The following KCNAB1 variants were observed in gnomAD, a reference collection of about 807,000 sequenced individuals.
KCNAB1 encodes the protein potassium voltage-gated channel subfamily A regulatory beta subunit 1.
KCNAB1 carries 35 observed loss-of-function variants against 64.6 expected under a neutral mutation model. The observed-to-expected ratio is 0.54, with a 90% CI of 0.41 to 0.72. The LOEUF is 0.72. Ranked by LOEUF, KCNAB1 falls within the 30% of genes least tolerant of loss-of-function variation. The probability of loss-of-function intolerance (pLI) is 0.00; values close to 1 mark genes in which losing one functional copy is unlikely to be tolerated. For missense variants in KCNAB1, 401 were observed against 512.9 expected (o/e 0.78, Z 2.11); for synonymous variants, 177 against 183.8 (o/e 0.96, Z 0.30).
rs931132282 is a variant in KCNAB1, at chr3:156,134,729, G to A, written c.275+13843G>A. On this transcript the variant is annotated intron_variant, in intron 1 of 13. Transcript: ENST00000490337. ...CATATAGAACACAATATTTCAAAATGTTGATGGGATGCTTGTAGTCTACAT... is the reference window on the plus strand; with the variant it reads ...CATATAGAACACAATATTTCAAAATATTGATGGGATGCTTGTAGTCTACAT... Among the ~76,000 whole-genome samples the A allele has an allele frequency of 3.9e-5, 6 of 152,198 alleles. No individual in the cohort carries two copies. In the South Asian group the frequency reaches 1.2e-3, roughly 32 times the overall value.
intron 1 of KCNAB1, among the ~76,000 whole-genome samples, chr3:156,272,474 G>T (rs1383193501): frequency 6.6e-6 from 1 of 151,868 alleles, no homozygotes; most frequent in South Asian, 2.1e-4. Flanking sequence ...GACGAGTCTC[G>T]CCATGTTCAC....
At chr3:156,232,048 T>G (rs1265284238) in intron 1 of KCNAB1, among the ~76,000 whole-genome samples, 1 of 152,244 alleles carries the variant, frequency 6.6e-6, no homozygotes, top group African/African-American at 2.4e-5. Flanking sequence ...TATATTGTTT[T>G]TGAATCTAAT....
chr3:156,190,884 G>C (rs1338052986), intron 1 of KCNAB1, among the ~76,000 whole-genome samples: 1 of 152,098 alleles, frequency 6.6e-6, no homozygotes, highest in African/African-American at 2.4e-5. Context: ...GTAGAGACAG[G>C]GTTTAGCCAC....
intron 1 of KCNAB1, among the ~76,000 whole-genome samples, chr3:156,328,345 A>G (rs1723117383): frequency 2.0e-5 from 3 of 152,116 alleles, no homozygotes; most frequent in African/African-American, 7.2e-5. Context: ...TGGAGGTTGG[A>G]TTGAAAGAAC....
intron 1 of KCNAB1, among the ~76,000 whole-genome samples, chr3:156,281,198 C>A (rs1242674776): frequency 6.8e-6 from 1 of 147,120 alleles, no homozygotes; most frequent in African/African-American, 2.5e-5. Flanking sequence ...TTGTCAAAGG[C>A]TTTTTCTGCA....
At chr3:156,529,062 A>AGGAGAAGACAGCTGAACC (rs977062159) in intron 12 of KCNAB1, among the ~76,000 whole-genome samples, 6 of 152,144 alleles carry the variant, frequency 3.9e-5, no homozygotes, top group South Asian at 4.1e-4. Context: ...GTGACTGAGG[A>AGGAGAAGACAGCTGAACC]GGAGAAGACA....
chr3:156,460,105 G>C (rs1013220147), intron 5 of KCNAB1: 20 of 447,938 alleles, frequency 4.5e-5, no homozygotes, highest in Admixed American at 8.3e-5. Flanking sequence ...AGCAGAGAAG[G>C]GGGGGATGTT....
chr3:156,156,715 A>G (rs960309376), intron 1 of KCNAB1, among the ~76,000 whole-genome samples: 1 of 152,182 alleles, frequency 6.6e-6, no homozygotes, highest in African/African-American at 2.4e-5. Context: ...AAGAGTAGGA[A>G]CTTACTTTTT....
chr3:156,190,271 T>A (rs1713479319), intron 1 of KCNAB1, among the ~76,000 whole-genome samples: 1 of 152,218 alleles, frequency 6.6e-6, no homozygotes, highest in Non-Finnish European at 1.5e-5. Context: ...ATTGCCAACC[T>A]GTGTTTTCCT....
At chr3:156,455,659 T>G (rs983895533) in intron 3 of KCNAB1, among the ~76,000 whole-genome samples, 1 of 152,132 alleles carries the variant, frequency 6.6e-6, no homozygotes, top group Non-Finnish European at 1.5e-5. Context: ...AAAATTATTA[T>G]GACTTTTACA....
intron 5 of KCNAB1, chr3:156,460,275 T>C (rs1712802424): frequency 6.0e-6 from 1 of 167,190 alleles, no homozygotes; most frequent in South Asian, 1.6e-4. Flanking sequence ...TGCAAAGGAA[T>C]GATGAAACAA....
intron 1 of KCNAB1, chr3:156,273,637 C>A (rs1427247563): frequency 2.2e-6 from 1 of 456,182 alleles, no homozygotes; most frequent in East Asian, 6.9e-5. Flanking sequence ...CTTTCCTACT[C>A]TCTTCACTGC....
intron 1 of KCNAB1, among the ~76,000 whole-genome samples, chr3:156,250,006 T>C (rs187850121): frequency 4.5e-4 from 69 of 152,330 alleles, no homozygotes; most frequent in Non-Finnish European, 6.2e-4. Context: ...ATTGGAGTGA[T>C]TGGTAACTTT....
chr3:156,267,224 G>A (rs1313434140), intron 1 of KCNAB1, among the ~76,000 whole-genome samples: 1 of 152,098 alleles, frequency 6.6e-6, no homozygotes, highest in African/African-American at 2.4e-5. Flanking sequence ...AGCTCATAGT[G>A]CATAGTGAAC....
At chr3:156,236,355 C>T (rs1412053101) in intron 1 of KCNAB1, among the ~76,000 whole-genome samples, 2 of 152,148 alleles carry the variant, frequency 1.3e-5, no homozygotes, top group Admixed American at 6.5e-5. Context: ...CAAACCTAGT[C>T]GCATCACCTG....
chr3:156,461,018 G>A (rs1418537321), intron 5 of KCNAB1, among the ~76,000 whole-genome samples: 1 of 152,094 alleles, frequency 6.6e-6, no homozygotes, highest in Non-Finnish European at 1.5e-5. Context: ...CCCCATCCCA[G>A]GGAACTGTAA....
At chr3:156,513,231 CA>C (rs940377448) in intron 8 of KCNAB1, among the ~76,000 whole-genome samples, 3 of 151,764 alleles carry the variant, frequency 2.0e-5, no homozygotes, top group African/African-American at 7.3e-5. Context: ...ACAACAACAA[CA>C]AAAAAGTTTA....
intron 1 of KCNAB1, among the ~76,000 whole-genome samples, chr3:156,140,884 A>ATG (rs780679894): frequency 9.2e-5 from 14 of 152,078 alleles, no homozygotes; most frequent in Non-Finnish European, 1.8e-4. Context: ...TTAAGGGAGC[A>ATG]TGTGCGCGTG....
Position 156,323,410 on chromosome 3 carries a change from T to A in KCNAB1, c.276-98206T>A, listed in dbSNP as rs549790871. On this transcript the variant is annotated intron_variant, in intron 1 of 13. Transcript: ENST00000490337. ...CAGTGTATACAGATTTGTGTTTATT[T>A]ACATCATCCCAGTAGAACTCTATGT... Among the ~76,000 whole-genome samples the A allele has an allele frequency of 2.6e-5, 4 of 152,348 alleles. No individual in the cohort carries two copies. The South Asian group carries it at 8.3e-4, about 32-fold the overall frequency.
Sources: gnomAD v4.1 joint callset for allele counts (sites outside exome capture counted in the v4.1 genomes callset) on GRCh38, gnomAD v4.1.1 for gene constraint, MANE v1.5 for transcripts, NCBI Gene and HGNC (gene_info 2026-07-23, HGNC 2026-07-21) for gene names.